CPNE8: variants seen among roughly 807,000 people sequenced by gnomAD.
CPNE8 encodes copine 8.
Under a neutral mutation model 81.5 loss-of-function variants are expected in CPNE8, and 45 were observed. The ratio of observed to expected loss-of-function variants is 0.55; its 90% CI spans 0.44 to 0.71. CPNE8 has a LOEUF of 0.71. Among genes scored for constraint, CPNE8 ranks in the 30% least tolerant of loss-of-function variants. CPNE8 has a pLI of 0.00. For missense variants in CPNE8, 594 were observed against 672.1 expected (o/e 0.88, Z 1.28); for synonymous variants, 252 against 226.3 (o/e 1.11, Z -1.02).
intron 1 of CPNE8, among the ~76,000 whole-genome samples, chr12:38,880,312 G>A (rs1944133857): frequency 6.6e-6 from 1 of 152,216 alleles, no homozygotes; most frequent in Admixed American, 6.5e-5. Flanking sequence ...TTTACCAAAT[G>A]TTGCTTAGGC....
In CPNE8 at chr12:38,831,873, C is replaced by A. The variant is rs191068332; in HGVS notation, c.331-2418G>T. Among the ~76,000 whole-genome samples, 622 of 152,272 alleles carry A rather than the reference C, an allele frequency of 4.1e-3. 3 individuals carry two copies. Among genetic ancestry groups the A allele is most frequent in the Middle Eastern group, 0.017 (5 of 294 alleles). On this transcript the variant is annotated intron_variant, in intron 5 of 19. Transcript: ENST00000331366. ...TTTTCTAAGGATAGTTATGCTTATG[C>A]GCACCTGCAAATACTACATATTAAA...
At chr12:38,697,331 A>G (rs1348817902) in intron 14 of CPNE8, among the ~76,000 whole-genome samples, 1 of 152,166 alleles carries the variant, frequency 6.6e-6, no homozygotes, top group African/African-American at 2.4e-5. Context: ...CATCTATCTT[A>G]TAGCCTGCAT....
chr12:38,827,146 A>G (rs1943211836), intron 6 of CPNE8, among the ~76,000 whole-genome samples: 1 of 147,634 alleles, frequency 6.8e-6, no homozygotes, highest in Non-Finnish European at 1.5e-5. Flanking sequence ...GCGCCTGGAC[A>G]ACAAAGGGAG....
intron 15 of CPNE8, among the ~76,000 whole-genome samples, chr12:38,690,576 G>C (rs1025037635): frequency 1.3e-5 from 2 of 152,116 alleles, no homozygotes; most frequent in African/African-American, 2.4e-5. Flanking sequence ...ACAGACTATG[G>C]TGTAAATAAC....
Position 38,767,619 on chromosome 12 carries a change from T to A in CPNE8, c.575+16A>T. ...ATCATTACCATATAGTTGAAATGCATAAAAGATAAATCTACCTGCCATCTT... is the reference window on the plus strand; with the variant it reads ...ATCATTACCATATAGTTGAAATGCAAAAAAGATAAATCTACCTGCCATCTT... On this transcript the variant is annotated intron_variant, in intron 8 of 19. Transcript: ENST00000331366. The A allele has an allele frequency of 2.1e-6, 3 of 1,460,906 alleles. No individual in the cohort carries two copies. In the South Asian group the frequency reaches 4.1e-5, roughly 20 times the overall value. The allele number at this position is 1,460,906 out of a possible 1,614,324, so 90.5% of individuals were successfully genotyped here.
chr12:38,748,774 T>C (rs938164244), intron 10 of CPNE8, among the ~76,000 whole-genome samples: 2 of 152,148 alleles, frequency 1.3e-5, no homozygotes, highest in Non-Finnish European at 2.9e-5. Flanking sequence ...AGGATATTAA[T>C]ACATGTAACT....
At chr12:38,731,625 A>C (rs1000908831) in intron 10 of CPNE8, among the ~76,000 whole-genome samples, 1 of 151,872 alleles carries the variant, frequency 6.6e-6, no homozygotes, top group African/African-American at 2.4e-5. Flanking sequence ...TAGCATTTTG[A>C]CCTCTTCTAG....
At chr12:38,791,212 C>T (rs1942314622) in intron 6 of CPNE8, among the ~76,000 whole-genome samples, 1 of 151,550 alleles carries the variant, frequency 6.6e-6, no homozygotes, top group South Asian at 2.1e-4. Flanking sequence ...CACTTGAACT[C>T]AGAACAGATG....
intron 6 of CPNE8, among the ~76,000 whole-genome samples, chr12:38,811,511 T>G (rs564593572): frequency 6.6e-6 from 1 of 152,238 alleles, no homozygotes; most frequent in East Asian, 1.9e-4. Flanking sequence ...TTATATAAAT[T>G]AAGAAACATA....
chr12:38,815,070 G>A (rs1017865583), intron 6 of CPNE8, among the ~76,000 whole-genome samples: 9 of 151,800 alleles, frequency 5.9e-5, no homozygotes, highest in East Asian at 5.8e-4. Context: ...CTATGGTGTC[G>A]TCAACCCCAG....
chr12:38,703,241 T>C (rs1157161300), intron 13 of CPNE8, among the ~76,000 whole-genome samples: 1 of 152,206 alleles, frequency 6.6e-6, no homozygotes, highest in African/African-American at 2.4e-5. Flanking sequence ...TTTTCCAGCC[T>C]CAATGCCATC....
chr12:38,902,370 AAG>A (rs1206407615), intron 1 of CPNE8, among the ~76,000 whole-genome samples: 1 of 79,440 alleles, frequency 1.3e-5, no homozygotes, highest in Non-Finnish European at 2.4e-5. Context: ...GAAAGAAAGA[AAG>A]AAAGAAAGAA....
At position 38,685,634 on chromosome 12, in the gene CPNE8, G is replaced by GCAAAA. The variant is rs573296580; in HGVS notation, c.1144-22_1144-18dup. ...ATTCCCATTCTGTAGAAATTTATAG[G>GCAAAA]CAAAACAAAACAAAACAACAGTAAA... On this transcript the variant is annotated splice_polypyrimidine_tract_variant and intron_variant, in intron 15 of 19. Coordinates refer to ENST00000331366, the MANE Select transcript of CPNE8 (RefSeq NM_153634.3). 2.8e-4 allele frequency: 453 copies of GCAAAA among 1,603,992 alleles called. 5 individuals are homozygous for GCAAAA. The South Asian group carries it at 4.2e-3, about 15-fold the overall frequency.
chr12:38,780,069 A>G (rs1445001659), intron 6 of CPNE8, among the ~76,000 whole-genome samples: 1 of 151,948 alleles, frequency 6.6e-6, no homozygotes. Flanking sequence ...TCTTTTACCC[A>G]TTTTGAGCTG....
At chr12:38,779,386 C>G (rs80198971) in intron 6 of CPNE8, among the ~76,000 whole-genome samples, 5,131 of 152,112 alleles carry the variant, frequency 0.034, 270 homozygotes, top group East Asian at 0.19. Context: ...AACAGCCAAC[C>G]CACAGCATAA....
chr12:38,868,568 A>G (rs1174380849), intron 3 of CPNE8, among the ~76,000 whole-genome samples: 1 of 152,126 alleles, frequency 6.6e-6, no homozygotes, highest in East Asian at 1.9e-4. Context: ...TTCCTGATGA[A>G]TCAATGCAGC....
At chr12:38,712,038 A>G (rs1026307742) in intron 13 of CPNE8, among the ~76,000 whole-genome samples, 1 of 152,078 alleles carries the variant, frequency 6.6e-6, no homozygotes, top group African/African-American at 2.4e-5. Flanking sequence ...GATGAATGAA[A>G]GTACTTGGGT....
chr12:38,796,981 G>T (rs970724349), intron 6 of CPNE8, among the ~76,000 whole-genome samples: 2 of 152,206 alleles, frequency 1.3e-5, no homozygotes, highest in Non-Finnish European at 2.9e-5. Context: ...CAAGGCGGCA[G>T]CAAGGCTGGG....
At chr12:38,830,409 A>T (rs572648105) in intron 5 of CPNE8, among the ~76,000 whole-genome samples, 1 of 152,200 alleles carries the variant, frequency 6.6e-6, no homozygotes, top group African/African-American at 2.4e-5. Context: ...GATATGCCAC[A>T]TAAGAATTTA....
Sources: gnomAD v4.1 joint callset for allele counts (sites outside exome capture counted in the v4.1 genomes callset) on GRCh38, gnomAD v4.1.1 for gene constraint, MANE v1.5 for transcripts, NCBI Gene and HGNC (gene_info 2026-07-23, HGNC 2026-07-21) for gene names.